ATG5: variants seen among roughly 807,000 people sequenced by gnomAD.
The protein encoded by ATG5 is autophagy related 5.
ATG5 carries 14 observed loss-of-function variants against 36.5 expected under a neutral mutation model. The observed-to-expected ratio is 0.38, with a 90% CI of 0.25 to 0.60. The LOEUF (loss-of-function observed/expected upper bound fraction) is 0.60. ATG5 is among the 20% of genes least tolerant of loss of function. The pLI, the probability that ATG5 is intolerant of heterozygous loss-of-function variation, is 0.60. For synonymous variants in ATG5, 95 were observed against 101.5 expected (o/e 0.94, Z 0.38); for missense variants, 195 against 326.7 (o/e 0.60, Z 3.11).
At chr6:106,297,155 T>C (rs1374734335) in intron 3 of ATG5, among the ~76,000 whole-genome samples, 1 of 152,212 alleles carries the variant, frequency 6.6e-6, no homozygotes, top group South Asian at 2.1e-4. Context: ...CTTAACAGCT[T>C]AGTCATCAAC....
At chr6:106,299,668 ATG>A (rs1181590312) in intron 3 of ATG5, among the ~76,000 whole-genome samples, 2 of 151,988 alleles carry the variant, frequency 1.3e-5, no homozygotes, top group South Asian at 2.1e-4. Flanking sequence ...TACTCCATTT[ATG>A]TGTGTGTGTA....
chr6:106,301,698 C>G (rs537194214), intron 3 of ATG5, among the ~76,000 whole-genome samples: 1 of 151,942 alleles, frequency 6.6e-6, no homozygotes. Context: ...TGAAGCATTT[C>G]GCATTTCAGA....
At chr6:106,215,354 C>T (rs1471626278) in intron 6 of ATG5, among the ~76,000 whole-genome samples, 1 of 152,162 alleles carries the variant, frequency 6.6e-6, no homozygotes, top group Non-Finnish European at 1.5e-5. Context: ...TCTCACCTAC[C>T]CTCACCCCTC....
At chr6:106,299,610 CGAAAT>C (rs1276462567) in intron 3 of ATG5, among the ~76,000 whole-genome samples, 2 of 152,126 alleles carry the variant, frequency 1.3e-5, no homozygotes, top group Admixed American at 1.3e-4. Context: ...ATTCAATTCT[CGAAAT>C]GAATATATTT....
At chr6:106,320,980 G>C (rs1771043913) in intron 1 of ATG5, among the ~76,000 whole-genome samples, 1 of 152,292 alleles carries the variant, frequency 6.6e-6, no homozygotes, top group Admixed American at 6.5e-5. Context: ...AAACAGATGA[G>C]TCTTTCCAAG....
intron 5 of ATG5, among the ~76,000 whole-genome samples, chr6:106,265,594 C>G (rs551891833): frequency 6.6e-6 from 1 of 152,298 alleles, no homozygotes; most frequent in East Asian, 1.9e-4. Context: ...AAATCGACCA[C>G]ATAATTGAAA....
At chr6:106,321,971 T>C (rs1479032784) in intron 1 of ATG5, among the ~76,000 whole-genome samples, 1 of 151,688 alleles carries the variant, frequency 6.6e-6, no homozygotes, top group East Asian at 2.1e-4. Context: ...CTCCCTAAAC[T>C]CCTCTCCAAA....
intron 6 of ATG5, among the ~76,000 whole-genome samples, chr6:106,247,813 C>T (rs1778404013): frequency 6.6e-6 from 1 of 152,188 alleles, no homozygotes; most frequent in Non-Finnish European, 1.5e-5. Flanking sequence ...TCGCTTTGAT[C>T]AACCTCTGCT....
intron 6 of ATG5, among the ~76,000 whole-genome samples, chr6:106,229,692 G>A (rs892737544): frequency 6.6e-6 from 1 of 152,220 alleles, no homozygotes; most frequent in African/African-American, 2.4e-5. Context: ...CAAGGGCGTA[G>A]CCTGAAAACA....
At chr6:106,210,911 A>T (rs1489100150) in intron 6 of ATG5, among the ~76,000 whole-genome samples, 1 of 152,120 alleles carries the variant, frequency 6.6e-6, no homozygotes, top group Non-Finnish European at 1.5e-5. Context: ...TCTCAACAGA[A>T]CTCTACTGAA....
intron 1 of ATG5, among the ~76,000 whole-genome samples, chr6:106,317,878 G>C (rs1238937660): frequency 6.6e-6 from 1 of 152,138 alleles, no homozygotes; most frequent in African/African-American, 2.4e-5. Flanking sequence ...ATGAAATCTA[G>C]GTTATGACAA....
chr6:106,280,971 A>G (rs1180732593), intron 4 of ATG5, among the ~76,000 whole-genome samples: 1 of 152,124 alleles, frequency 6.6e-6, no homozygotes. Context: ...CCTTTAATAA[A>G]TTTAAAAGGA....
At chr6:106,262,207 G>A (rs529668306) in intron 5 of ATG5, among the ~76,000 whole-genome samples, 4 of 152,230 alleles carry the variant, frequency 2.6e-5, no homozygotes, top group Non-Finnish European at 4.4e-5. Context: ...TGAGTAGCTC[G>A]GATTAGAGGC....
intron 6 of ATG5, among the ~76,000 whole-genome samples, chr6:106,226,113 C>T (rs755303450): frequency 1.3e-5 from 2 of 152,074 alleles, no homozygotes; most frequent in Non-Finnish European, 2.9e-5. Context: ...GAAGGCAATG[C>T]CCCAACATTC....
At chr6:106,304,279 A>AT (rs1200549775) in intron 3 of ATG5, 1 of 152,090 alleles carries the variant, frequency 6.6e-6, no homozygotes, top group Admixed American at 6.5e-5. Flanking sequence ...CCACAGTAAA[A>AT]TTTTTTTAAA....
chr6:106,236,020 T>C (rs927615574), intron 6 of ATG5, among the ~76,000 whole-genome samples: 2 of 152,216 alleles, frequency 1.3e-5, no homozygotes, highest in Non-Finnish European at 2.9e-5. Flanking sequence ...GGCCCAGACC[T>C]TGGCCTCAGA....
At chr6:106,202,136 C>CT in intron 6 of ATG5, 47 bp from the exon 7 acceptor site, 1 of 1,441,044 alleles carries the variant, frequency 6.9e-7, no homozygotes, top group Non-Finnish European at 9.8e-7. Context: ...GTCTTTGTTG[C>CT]TGCCAATTAC....
chr6:106,324,923 T>TCA (rs767041493), intron 1 of ATG5, among the ~76,000 whole-genome samples: 14 of 152,202 alleles, frequency 9.2e-5, no homozygotes, highest in Non-Finnish European at 1.8e-4. Context: ...TACTGTCTGG[T>TCA]AAGTCTCCGG....
intron 5 of ATG5, among the ~76,000 whole-genome samples, chr6:106,261,809 G>GA: frequency 6.6e-6 from 1 of 152,186 alleles, no homozygotes; most frequent in Non-Finnish European, 1.5e-5. Flanking sequence ...AAGTTGGGTT[G>GA]AAAAAAATGA....
Sources: gnomAD v4.1 joint callset for allele counts (sites outside exome capture counted in the v4.1 genomes callset) on GRCh38, gnomAD v4.1.1 for gene constraint, MANE v1.5 for transcripts, NCBI Gene and HGNC (gene_info 2026-07-23, HGNC 2026-07-21) for gene names.